Variants in KCNN2 observed in about 807,000 individuals in gnomAD.
KCNN2 encodes small conductance calcium-activated potassium channel protein 2.
KCNN2 carries 24 observed loss-of-function variants against 55.5 expected under a neutral mutation model. That is an observed-to-expected ratio of 0.43 (90% CI 0.31 to 0.61). The LOEUF (loss-of-function observed/expected upper bound fraction) is 0.61, where lower values mean the gene tolerates loss of function less well. KCNN2 is among the 20% of genes least tolerant of loss of function. The pLI, the probability that KCNN2 is intolerant of heterozygous loss-of-function variation, is 0.08. For synonymous variants in KCNN2, 431 were observed against 336.1 expected, an observed-to-expected ratio of 1.28 and a Z score of -3.09; for missense variants, 754 against 853.6, an observed-to-expected ratio of 0.88 and a Z score of 1.45.
intron 1 of KCNN2, among the ~76,000 whole-genome samples, chr5:114,166,643 C>T (rs1466120745): frequency 6.6e-6 from 1 of 152,098 alleles, no homozygotes; most frequent in Non-Finnish European, 1.5e-5. Flanking sequence ...TTCTACAACC[C>T]ATGTACCATG....
chr5:114,067,762 A>C (rs1375930712), intron 1 of KCNN2, among the ~76,000 whole-genome samples: 1 of 152,334 alleles, frequency 6.6e-6, no homozygotes, highest in Non-Finnish European at 1.5e-5. Flanking sequence ...TACTGTCGAT[A>C]GAATTTGATT....
At chr5:114,216,957 A>G (rs1754018289) in intron 1 of KCNN2, among the ~76,000 whole-genome samples, 1 of 152,160 alleles carries the variant, frequency 6.6e-6, no homozygotes, top group South Asian at 2.1e-4. Flanking sequence ...TTGCTTTCCT[A>G]TATACCAGCA....
chr5:114,338,284 G>T (rs796516402), intron 2 of KCNN2, among the ~76,000 whole-genome samples: 2 of 152,144 alleles, frequency 1.3e-5, no homozygotes, highest in South Asian at 4.1e-4. Context: ...GCACAGGGAG[G>T]TGATGATAAA....
At chr5:114,181,263 G>C in intron 1 of KCNN2, among the ~76,000 whole-genome samples, 1 of 152,140 alleles carries the variant, frequency 6.6e-6, no homozygotes, top group East Asian at 1.9e-4. Flanking sequence ...TCTTGCCAGT[G>C]TTTGTTCTCG....
chr5:114,294,083 T>C (rs1373729784), intron 2 of KCNN2, among the ~76,000 whole-genome samples: 1 of 152,148 alleles, frequency 6.6e-6, no homozygotes, highest in Non-Finnish European at 1.5e-5. Context: ...TCTTCTCTCT[T>C]TTTTTCTTTA....
intron 1 of KCNN2, among the ~76,000 whole-genome samples, chr5:114,141,446 A>G (rs1205390589): frequency 1.3e-5 from 2 of 151,938 alleles, no homozygotes; most frequent in African/African-American, 2.4e-5. Context: ...GCATGTCCCT[A>G]CAAAGGACAT....
chr5:114,440,137 G>C (rs1296309508), intron 3 of KCNN2, among the ~76,000 whole-genome samples: 1 of 151,794 alleles, frequency 6.6e-6, no homozygotes, highest in African/African-American at 2.4e-5. Flanking sequence ...CCAAAGCCAA[G>C]TAAAGAAAAA....
intron 2 of KCNN2, among the ~76,000 whole-genome samples, chr5:114,352,467 C>CTCATAAAGTAATATGTTACTT (rs1757224424): frequency 6.6e-6 from 1 of 151,754 alleles, no homozygotes; most frequent in Non-Finnish European, 1.5e-5. Context: ...TTGTTCTCTT[C>CTCATAAAGTAATATGTTACTT]TTTTCTCATA....
At chr5:114,358,038 C>G (rs937518320), upstream of KCNN2, among the ~76,000 whole-genome samples, 8 of 151,468 alleles carry the variant, frequency 5.3e-5, no homozygotes, top group Non-Finnish European at 8.8e-5. Context: ...ATTTGCATTT[C>G]TCTGATGGCC....
At chr5:114,398,317 T>G (rs1298564778) in intron 2 of KCNN2, among the ~76,000 whole-genome samples, 1 of 152,138 alleles carries the variant, frequency 6.6e-6, no homozygotes, top group Non-Finnish European at 1.5e-5. Context: ...TTTGTCAATT[T>G]TGTTGAAGGT....
rs1478150843 is a variant in KCNN2, at chr5:114,315,129, T to C, written c.-184-45816T>C. On this transcript the variant is annotated intron_variant, in intron 2 of 10. Coordinates refer to the KCNN2 transcript ENST00000512097. The stretch of plus-strand genomic sequence containing the variant: ...ATCTGTGCTTCACTGCTCTCAACCA[T>C]CCTTGTCCCAGGAAGACTTGAGCAC... Among the ~76,000 whole-genome samples the C allele has an allele frequency of 2.0e-5, 3 of 152,270 alleles. No individual in the cohort carries two copies. The East Asian group carries it at 5.8e-4, about 29-fold the overall frequency.
chr5:114,171,248 A>C (rs945196836), intron 1 of KCNN2, among the ~76,000 whole-genome samples: 5 of 151,996 alleles, frequency 3.3e-5, no homozygotes, highest in African/African-American at 9.7e-5. Flanking sequence ...GCCACATTAG[A>C]TATTAAAAAA....
At chr5:114,190,425 A>G (rs1406792735) in intron 1 of KCNN2, among the ~76,000 whole-genome samples, 1 of 152,182 alleles carries the variant, frequency 6.6e-6, no homozygotes, top group Non-Finnish European at 1.5e-5. Flanking sequence ...CAGCGTAGAT[A>G]TAGCCCCCAA....
rs983622728 is a variant in KCNN2 at position 114,362,363 on chromosome 5, C to T, written c.224C>T (p.Ser75Phe). 9.7e-6 allele frequency: 2 copies of T among 205,620 alleles called. No homozygotes were observed. Among genetic ancestry groups the T allele is most frequent in the Non-Finnish European group, 1.9e-5 (2 of 104,042 alleles). The allele number at this position is 205,620 out of a possible 1,614,324, so 12.7% of individuals were successfully genotyped here. The change falls in exon 1 of 8, where the codon TCC becomes TTC. Residue 75 changes from serine (S) to phenylalanine (F), a missense_variant. Ser to Phe is a radical substitution (Grantham distance 155, BLOSUM62 -2). Around this residue, in one of 4 missense-constraint regions of KCNN2, gnomAD observed 381 missense variants for 259.1 expected, o/e 1.47. Coordinates refer to ENST00000673685, the MANE Select transcript of KCNN2 (RefSeq NM_021614.4). ...PCLRCNSCAS[S>F]GAPAAGAGDN... is the part of the protein sequence containing the mutation. ...CTCCGGTGCAACAGCTGCGCCTCCT[C>T]CGGTGCCCCGGCGGCGGGGGCGGGA...
chr5:114,435,985 G>T (rs1194670231), intron 3 of KCNN2, among the ~76,000 whole-genome samples: 1 of 152,098 alleles, frequency 6.6e-6, no homozygotes, highest in African/African-American at 2.4e-5. Flanking sequence ...TCTGAAGTAG[G>T]GGTTTTTATC....
intron 2 of KCNN2, among the ~76,000 whole-genome samples, chr5:114,275,455 G>T (rs1391106675): frequency 6.6e-6 from 1 of 151,964 alleles, no homozygotes; most frequent in Non-Finnish European, 1.5e-5. Flanking sequence ...CTGTGAATCT[G>T]TCTGGTCCTG....
At chr5:114,437,368 G>C (rs1760045518) in intron 3 of KCNN2, among the ~76,000 whole-genome samples, 1 of 152,086 alleles carries the variant, frequency 6.6e-6, no homozygotes, top group Admixed American at 6.5e-5. Context: ...GTGAATGAAT[G>C]CAAGTGTTAT....
chr5:114,108,342 A>T (rs1751529805), intron 1 of KCNN2, among the ~76,000 whole-genome samples: 2 of 152,090 alleles, frequency 1.3e-5, no homozygotes, highest in South Asian at 4.1e-4. Context: ...TAAAGAGTTG[A>T]ATTTATATTT....
chr5:114,140,762 CATT>C (rs61070958), intron 1 of KCNN2, among the ~76,000 whole-genome samples: 17,070 of 139,766 alleles, frequency 0.12, 1,043 homozygotes, highest in African/African-American at 0.14. Flanking sequence ...CTGTCATCCT[CATT>C]ATTATTATTA....
Sources: allele counts gnomAD v4.1 joint callset (sites outside exome capture counted in the v4.1 genomes callset), GRCh38; gene constraint gnomAD v4.1.1; regional missense constraint gnomAD v4.1.1; transcripts MANE v1.5; gene names NCBI Gene and HGNC (gene_info 2026-07-23, HGNC 2026-07-21).